RALYL: variants seen among roughly 807,000 people sequenced by gnomAD.
RALYL encodes RNA-binding Raly-like protein.
In RALYL, 29 loss-of-function variants were observed where a neutral mutation model predicts 35.1. The observed-to-expected ratio is 0.83, with a 90% CI of 0.61 to 1.13. The LOEUF (loss-of-function observed/expected upper bound fraction) is 1.13. RALYL is among the 50% of genes most tolerant of loss of function. The pLI, the probability that RALYL is intolerant of heterozygous loss-of-function variation, is 0.00. For missense variants in RALYL, 359 were observed against 360.4 expected, an observed-to-expected ratio of 1.00 and a Z score of 0.03; for synonymous variants, 120 against 127.6, an observed-to-expected ratio of 0.94 and a Z score of 0.40.
At chr8:84,621,252 C>T (rs951238675) in intron 2 of RALYL, among the ~76,000 whole-genome samples, 4 of 152,272 alleles carry the variant, frequency 2.6e-5, no homozygotes, top group South Asian at 2.1e-4. Flanking sequence ...ACTCCGTGGG[C>T]GTGGGCGTAG....
chr8:84,711,595 A>G (rs1243831225), intron 2 of RALYL, among the ~76,000 whole-genome samples: 2 of 152,132 alleles, frequency 1.3e-5, no homozygotes, highest in Non-Finnish European at 2.9e-5. Context: ...TTACATTTTG[A>G]TAGAATTGTT....
At chr8:84,512,060 T>G (rs2057670127) in intron 1 of RALYL, among the ~76,000 whole-genome samples, 1 of 152,106 alleles carries the variant, frequency 6.6e-6, no homozygotes, top group South Asian at 2.1e-4. Flanking sequence ...AAATACCTAC[T>G]AGTGAGATCG....
At chr8:84,913,025 T>TAGGTA (rs1241466131) in intron 8 of RALYL, among the ~76,000 whole-genome samples, 1 of 138,646 alleles carries the variant, frequency 7.2e-6, no homozygotes, top group African/African-American at 2.9e-5. Context: ...GATGGATGGA[T>TAGGTA]GGATGGATAG....
intron 1 of RALYL, among the ~76,000 whole-genome samples, chr8:84,215,058 A>C (rs867943541): frequency 2.0e-5 from 3 of 151,960 alleles, no homozygotes; most frequent in Non-Finnish European, 4.4e-5. Flanking sequence ...GGCACCCGCC[A>C]CTGTGCCCGG....
intron 2 of RALYL, among the ~76,000 whole-genome samples, chr8:84,643,485 C>T (rs1200251708): frequency 6.6e-6 from 1 of 152,036 alleles, no homozygotes; most frequent in Non-Finnish European, 1.5e-5. Context: ...AAGACAAAAG[C>T]ATCTTGGCAG....
intron 2 of RALYL, among the ~76,000 whole-genome samples, chr8:84,745,928 A>C (rs1397006600): frequency 6.6e-6 from 1 of 152,030 alleles, no homozygotes; most frequent in Non-Finnish European, 1.5e-5. Context: ...AGATTGATGC[A>C]AGCAATAGGC....
At chr8:84,909,537 G>A (rs772359105) in intron 8 of RALYL, among the ~76,000 whole-genome samples, 4 of 152,118 alleles carry the variant, frequency 2.6e-5, no homozygotes, top group Non-Finnish European at 5.9e-5. Flanking sequence ...GATGTTGAGA[G>A]CTTAGGCATG....
At chr8:84,377,475 T>TTTTTTTAATTTTTTC (rs1857166688) in intron 1 of RALYL, among the ~76,000 whole-genome samples, 1 of 141,090 alleles carries the variant, frequency 7.1e-6, no homozygotes, top group African/African-American at 2.9e-5. Flanking sequence ...TTTTTTTTTT[T>TTTTTTTAATTTTTTC]CTTAAACTGA....
chr8:84,740,970 C>T (rs1000615575), intron 2 of RALYL, among the ~76,000 whole-genome samples: 1 of 151,700 alleles, frequency 6.6e-6, no homozygotes. Flanking sequence ...TACTCTGAGA[C>T]CTGAAGAGTC....
chr8:84,524,619 ATATTT>A (rs1220129366), intron 1 of RALYL, among the ~76,000 whole-genome samples: 1 of 152,186 alleles, frequency 6.6e-6, no homozygotes, highest in Non-Finnish European at 1.5e-5. Context: ...CTCCAAAAAA[ATATTT>A]TATCTAAAGC....
At chr8:84,732,885 T>G (rs990426458) in intron 2 of RALYL, among the ~76,000 whole-genome samples, 2 of 151,594 alleles carry the variant, frequency 1.3e-5, no homozygotes, top group African/African-American at 4.9e-5. Flanking sequence ...CTAGTAGAGA[T>G]GGGGTTTCAC....
intron 2 of RALYL, among the ~76,000 whole-genome samples, chr8:84,586,424 C>A (rs1812027885): frequency 6.6e-6 from 1 of 152,126 alleles, no homozygotes; most frequent in Admixed American, 6.5e-5. Context: ...GTCTGCCAGG[C>A]ACATCAAGGC....
intron 2 of RALYL, among the ~76,000 whole-genome samples, chr8:84,642,852 C>T (rs1286643371): frequency 6.8e-6 from 1 of 146,838 alleles, no homozygotes; most frequent in Non-Finnish European, 1.5e-5. Context: ...GGTCAGTACC[C>T]CCCACCATCC....
At chr8:84,659,042 A>G (rs963938720) in intron 2 of RALYL, among the ~76,000 whole-genome samples, 8 of 152,132 alleles carry the variant, frequency 5.3e-5, no homozygotes, top group African/African-American at 1.9e-4. Context: ...ATTTTTCTTC[A>G]GTGCTAGTGG....
chr8:84,227,262 G>A (rs1400555354), intron 1 of RALYL, among the ~76,000 whole-genome samples: 1 of 151,712 alleles, frequency 6.6e-6, no homozygotes, highest in African/African-American at 2.4e-5. Context: ...GTTTTACCAT[G>A]TTGGCCACAC....
At chr8:84,227,948 C>T (rs192657433) in intron 1 of RALYL, among the ~76,000 whole-genome samples, 2 of 151,952 alleles carry the variant, frequency 1.3e-5, no homozygotes, top group African/African-American at 4.8e-5. Context: ...TAAAAGACAC[C>T]TTCCTAGATC....
At chr8:84,284,499 G>T (rs1318751561) in intron 1 of RALYL, among the ~76,000 whole-genome samples, 1 of 152,126 alleles carries the variant, frequency 6.6e-6, no homozygotes, top group Admixed American at 6.5e-5. Flanking sequence ...TTTAGATTCT[G>T]AAATAAGTCA....
intron 1 of RALYL, among the ~76,000 whole-genome samples, chr8:84,469,192 G>A (rs561409945): frequency 3.9e-5 from 6 of 152,300 alleles, no homozygotes; most frequent in African/African-American, 1.4e-4. Context: ...GTGAGGAACT[G>A]TGTTCCTTTG....
intron 1 of RALYL, among the ~76,000 whole-genome samples, chr8:84,471,161 G>T (rs1448443261): frequency 6.6e-6 from 1 of 152,188 alleles, no homozygotes; most frequent in Non-Finnish European, 1.5e-5. Flanking sequence ...GACAGAGAAA[G>T]TCAAATCACA....
Sources: gnomAD v4.1 joint callset for allele counts (sites outside exome capture counted in the v4.1 genomes callset) on GRCh38, gnomAD v4.1.1 for gene constraint, MANE v1.5 for transcripts, NCBI Gene and HGNC (gene_info 2026-07-23, HGNC 2026-07-21) for gene names.